KLHL22: variants seen among roughly 807,000 people sequenced by gnomAD.
KLHL22 encodes the protein kelch like family member 22, also known as kelch-like protein 22.
KLHL22 carries 18 observed loss-of-function variants against 60.7 expected under a neutral mutation model. The observed-to-expected ratio is 0.30, with a 90% CI of 0.20 to 0.44. The LOEUF (loss-of-function observed/expected upper bound fraction) is 0.44. KLHL22 is among the 20% of genes least tolerant of loss of function. The pLI, the probability that KLHL22 is intolerant of heterozygous loss-of-function variation, is 1.00. For synonymous variants in KLHL22, 355 were observed against 354.5 expected (o/e 1.00, Z -0.01); for missense variants, 596 against 852.3 (o/e 0.70, Z 3.74).
chr22:20,443,754 A>C (rs1049396484), intron 6 of KLHL22, among the ~76,000 whole-genome samples: 1 of 147,976 alleles, frequency 6.8e-6, no homozygotes, highest in Non-Finnish European at 1.5e-5. Flanking sequence ...AAACAAAAAA[A>C]GTGGAAGGGG....
chr22:20,461,372 T>C (rs895614538), intron 4 of KLHL22, among the ~76,000 whole-genome samples: 1 of 151,656 alleles, frequency 6.6e-6, no homozygotes. Flanking sequence ...GCTAACACGG[T>C]GAAACCCCGT....
At chr22:20,489,966 A>C (rs1337325848) in intron 1 of KLHL22, 2 of 362,580 alleles carry the variant, frequency 5.5e-6, no homozygotes, top group African/African-American at 4.3e-5. Flanking sequence ...CAGTACGTTC[A>C]AAAACCGCAA....
At chr22:20,475,372 C>T (rs2053395094) in intron 2 of KLHL22, 1 of 152,052 alleles carries the variant, frequency 6.6e-6, no homozygotes, top group African/African-American at 2.4e-5. Context: ...TTGTGTCAAA[C>T]TTAGAAAGGC....
Position 20,479,156 on chromosome 22 carries a change from C to T in KLHL22, c.228-7641G>A, listed in dbSNP as rs1001246189. Among the ~76,000 whole-genome samples the T allele has an allele frequency of 5.9e-5, 9 of 151,620 alleles. No individual in the cohort carries two copies. The East Asian group carries it at 6.0e-4, about 10-fold the overall frequency. On this transcript the variant is annotated intron_variant, in intron 2 of 6. Coordinates refer to ENST00000328879, the MANE Select transcript of KLHL22 (RefSeq NM_032775.4). Reference sequence around the variant, plus strand: ...AAAAAAAAAATTCATTTTTGGCTCACGGCAGCCTCAACCTCCTGGGCTCAA... The same window carrying T: ...AAAAAAAAAATTCATTTTTGGCTCATGGCAGCCTCAACCTCCTGGGCTCAA...
chr22:20,493,191 A>G (rs1199790957), intron 1 of KLHL22: 2 of 471,382 alleles, frequency 4.2e-6, no homozygotes, highest in African/African-American at 4.0e-5. Flanking sequence ...GGGAAGGGAT[A>G]AATGGCAGCT....
At chr22:20,450,930 C>T (rs2052966705) in intron 5 of KLHL22, 13 of 1,612,194 alleles carry the variant, frequency 8.1e-6, no homozygotes, top group African/African-American at 1.3e-5. Context: ...TGCAGGGACC[C>T]AGGACAAGGG....
At chr22:20,446,221 C>T (rs538100776) in intron 6 of KLHL22, among the ~76,000 whole-genome samples, 1 of 152,228 alleles carries the variant, frequency 6.6e-6, no homozygotes, top group Non-Finnish European at 1.5e-5. Context: ...ACACATCCAC[C>T]CCTCTGGAGC....
At chr22:20,490,482 C>T (rs1025514368) in intron 1 of KLHL22, among the ~76,000 whole-genome samples, 1 of 152,168 alleles carries the variant, frequency 6.6e-6, no homozygotes, top group African/African-American at 2.4e-5. Flanking sequence ...CAACAACAAA[C>T]ACAGGAGACT....
At chr22:20,488,648 AGC>A in intron 2 of KLHL22, 1 of 272,370 alleles carries the variant, frequency 3.7e-6, no homozygotes, top group African/African-American at 3.0e-5. Flanking sequence ...ATGCATACAC[AGC>A]AATAATTACT....
rs1447273871 is a variant in KLHL22 at position 20,495,286 on chromosome 22, A to G, written c.-34+474T>C. Among the ~76,000 whole-genome samples, 1 of 152,152 alleles carries G rather than the reference A, an allele frequency of 6.6e-6. No homozygotes were observed. The highest frequency in any genetic ancestry group is 2.4e-5 in the African/African-American group (1 of 41,428). On this transcript the variant is annotated intron_variant, in intron 1 of 6. Transcript: ENST00000328879. The surrounding 1 kb of genome is among the most constrained non-coding windows in gnomAD (Gnocchi z 4.6). ...CCGGCTCCTCTCAGGAAACCGGGAGAGCTGGCAAGGCTGGGCTCCTACGGC... is the reference window on the plus strand; with the variant it reads ...CCGGCTCCTCTCAGGAAACCGGGAGGGCTGGCAAGGCTGGGCTCCTACGGC...
intron 1 of KLHL22, chr22:20,491,915 C>A (rs946415035): frequency 6.6e-6 from 1 of 152,374 alleles, no homozygotes; most frequent in Non-Finnish European, 1.5e-5. Flanking sequence ...TCCTTTCCCC[C>A]TCCTGGGCTG....
In KLHL22 at chr22:20,465,213, C is replaced by G; in HGVS notation, c.757G>C (p.Val253Leu). ...AGCTTGTCATGCAGCCGCTGCAGGA[C>G]CTCAGCTTCCATCAGCGGAAACCGC... ...TVRFPLMEAE[V>L]LQRLHDKLDP... The change falls in exon 4 of 7, where the codon GTC becomes CTC. Residue 253 changes from valine (V) to leucine (L), a missense_variant. Coordinates refer to ENST00000328879, the MANE Select transcript of KLHL22 (RefSeq NM_032775.4). The surrounding 1 kb of genome is among the most constrained non-coding windows in gnomAD (Gnocchi z 4.9). The G allele has an allele frequency of 6.2e-7, 1 of 1,613,888 alleles. No individual in the cohort carries two copies. The highest frequency in any genetic ancestry group is 8.5e-7 in the Non-Finnish European group (1 of 1,180,014).
At chr22:20,475,318 C>T (rs1735998529) in intron 2 of KLHL22, 1 of 151,862 alleles carries the variant, frequency 6.6e-6, no homozygotes, top group African/African-American at 2.4e-5. Flanking sequence ...AACCTATCTT[C>T]GTTTTCAATG....
At chr22:20,458,408 G>A (rs1222863308) in intron 4 of KLHL22, among the ~76,000 whole-genome samples, 1 of 145,428 alleles carries the variant, frequency 6.9e-6, no homozygotes, top group African/African-American at 2.6e-5. Context: ...AGTCTCCTAA[G>A]TAGCTGGGAC....
At chr22:20,449,038 G>GT (rs1040858465) in intron 5 of KLHL22, among the ~76,000 whole-genome samples, 3 of 142,738 alleles carry the variant, frequency 2.1e-5, no homozygotes, top group African/African-American at 7.7e-5. Flanking sequence ...TTTGCCTTCT[G>GT]TTTTTTGTTT....
rs745940119 is a variant in KLHL22 at position 20,446,487 on chromosome 22, C to T, written c.1495G>A (p.Gly499Arg). 4 of 1,612,608 alleles carry T rather than the reference C, an allele frequency of 2.5e-6. No individual in the cohort carries two copies. Among genetic ancestry groups the T allele is most frequent in the Non-Finnish European group, 8.5e-7 (1 of 1,179,950 alleles). Residue 499 changes from glycine to arginine, a missense_variant, in exon 6 of 7, where the codon GGG (glycine) becomes AGG (arginine). Physicochemically the swap from Gly to Arg is moderately radical, Grantham distance 125 (BLOSUM62 -2). Coordinates refer to ENST00000328879, the MANE Select transcript of KLHL22 (RefSeq NM_032775.4). ...ATLLNKLYVIGGSNNDAGYRR... is the reference protein window; with the variant it reads ...ATLLNKLYVIRGSNNDAGYRR... ...TATCCGGCATCGTTGTTGCTGCCCCCGATCACATACAGCTTGTTGAGGAGG... is the reference window on the plus strand; with the variant it reads ...TATCCGGCATCGTTGTTGCTGCCCCTGATCACATACAGCTTGTTGAGGAGG...
chr22:20,455,780 C>T (rs903769284), intron 5 of KLHL22, among the ~76,000 whole-genome samples: 2 of 152,146 alleles, frequency 1.3e-5, no homozygotes, highest in Non-Finnish European at 2.9e-5. Context: ...ATGAGACATG[C>T]GATAAATACA....
chr22:20,484,451 C>T (rs187837321), intron 2 of KLHL22, among the ~76,000 whole-genome samples: 167 of 152,130 alleles, frequency 1.1e-3, no homozygotes, highest in Admixed American at 2.6e-3. Flanking sequence ...TGCACCACTA[C>T]GCCCAGCTAA....
In KLHL22 at chr22:20,471,344, C is replaced by T; in HGVS notation, c.393+6G>A. The T allele has an allele frequency of 6.2e-7, 1 of 1,612,568 alleles. No individual in the cohort carries two copies. Among genetic ancestry groups the T allele is most frequent in the Non-Finnish European group, 8.5e-7 (1 of 1,179,076 alleles). On this transcript the variant is annotated splice_donor_region_variant and intron_variant, in intron 3 of 6. Coordinates refer to ENST00000328879, the MANE Select transcript of KLHL22 (RefSeq NM_032775.4). Reference sequence around the variant, plus strand: ...GGTCTGCCTTGCTAGATGAGACATGCCTCACCTGAAGCTGGCAGGCAGCCA... The same window carrying T: ...GGTCTGCCTTGCTAGATGAGACATGTCTCACCTGAAGCTGGCAGGCAGCCA...
Sources: gnomAD v4.1 joint callset for allele counts (sites outside exome capture counted in the v4.1 genomes callset) on GRCh38, gnomAD v4.1.1 for gene constraint, Gnocchi (gnomAD v3.1) non-coding constraint, MANE v1.5 for transcripts, NCBI Gene and HGNC (gene_info 2026-07-23, HGNC 2026-07-21) for gene names.